Variants in ULK4 observed in about 807,000 individuals in gnomAD.
The protein encoded by ULK4 is unc-51 like kinase 4.
ULK4 carries 133 observed loss-of-function variants against 160.6 expected under a neutral mutation model. The observed-to-expected ratio is 0.83, with a 90% confidence interval of 0.72 to 0.96. The LOEUF (loss-of-function observed/expected upper bound fraction) is 0.96, where lower values mean the gene tolerates loss of function less well. Among genes scored for constraint, ULK4 ranks in the 40% least tolerant of loss-of-function variants. The pLI, the probability that ULK4 is intolerant of heterozygous loss-of-function variation, is 0.00. For missense variants in ULK4, 1,580 were observed against 1,499.5 expected (o/e 1.05, Z -0.89); for synonymous variants, 534 against 539.8 (o/e 0.99, Z 0.15).
chr3:41,850,446 T>C (rs1341674523), intron 17 of ULK4, among the ~76,000 whole-genome samples: 1 of 151,716 alleles, frequency 6.6e-6, no homozygotes, highest in Admixed American at 6.6e-5. Context: ...AAAGTGTTCC[T>C]ATTTCTCCAC....
chr3:41,372,562 A>G (rs1320086607), intron 35 of ULK4, among the ~76,000 whole-genome samples: 2 of 152,214 alleles, frequency 1.3e-5, no homozygotes, highest in African/African-American at 4.8e-5. Flanking sequence ...TAAAGGAGAA[A>G]TAAAATCCTT....
At chr3:41,264,952 C>G (rs1019216502) in intron 35 of ULK4, among the ~76,000 whole-genome samples, 2 of 152,220 alleles carry the variant, frequency 1.3e-5, no homozygotes, top group African/African-American at 4.8e-5. Context: ...GGAAGGGAGA[C>G]TTGTGACAGG....
intron 18 of ULK4, among the ~76,000 whole-genome samples, chr3:41,834,139 T>C (rs1237777668): frequency 6.6e-6 from 1 of 151,814 alleles, no homozygotes; most frequent in Non-Finnish European, 1.5e-5. Flanking sequence ...TCTCCCCATA[T>C]ACCTTTCTTC....
intron 30 of ULK4, among the ~76,000 whole-genome samples, chr3:41,651,814 C>A (rs2034754702): frequency 6.6e-6 from 1 of 151,988 alleles, no homozygotes. Flanking sequence ...GATTGTAGCC[C>A]CCAAAATACC....
intron 15 of ULK4, among the ~76,000 whole-genome samples, chr3:41,896,139 T>C (rs1462377569): frequency 1.3e-5 from 2 of 152,200 alleles, no homozygotes; most frequent in Non-Finnish European, 2.9e-5. Context: ...TCAGAAACCC[T>C]GCAGTTTACC....
chr3:41,630,940 T>C (rs185514448), intron 30 of ULK4, among the ~76,000 whole-genome samples: 6 of 152,338 alleles, frequency 3.9e-5, no homozygotes, highest in Non-Finnish European at 8.8e-5. Context: ...CAAAGCTTTT[T>C]TGTTTACATA....
intron 17 of ULK4, among the ~76,000 whole-genome samples, chr3:41,847,100 C>T (rs1246336017): frequency 2.0e-5 from 3 of 152,060 alleles, no homozygotes; most frequent in East Asian, 3.9e-4. Context: ...AAATCAAAAC[C>T]TATTTTATAA....
At chr3:41,952,968 A>G (rs1488889254) in intron 2 of ULK4, among the ~76,000 whole-genome samples, 5 of 152,280 alleles carry the variant, frequency 3.3e-5, no homozygotes, top group East Asian at 3.9e-4. Context: ...AAAATGCTGT[A>G]TGATACCATT....
intron 24 of ULK4, 59 bp from the exon 25 acceptor site, chr3:41,715,352 A>AT: frequency 1.2e-6 from 2 of 1,609,042 alleles, no homozygotes; most frequent in African/African-American, 1.3e-5. Context: ...CGTTAGCTCA[A>AT]TAAAAAAAAA....
intron 32 of ULK4, among the ~76,000 whole-genome samples, chr3:41,474,079 T>C (rs1328813648): frequency 2.0e-5 from 3 of 152,156 alleles, no homozygotes; most frequent in Non-Finnish European, 4.4e-5. Flanking sequence ...AGAACGAAGC[T>C]AGAGACGTCA....
intron 32 of ULK4, among the ~76,000 whole-genome samples, chr3:41,523,069 C>G (rs1162971844): frequency 6.6e-6 from 1 of 152,006 alleles, no homozygotes; most frequent in African/African-American, 2.4e-5. Context: ...CCACCACGCC[C>G]GACTAATTTT....
At chr3:41,501,044 A>T (rs1437089531) in intron 32 of ULK4, among the ~76,000 whole-genome samples, 3 of 152,236 alleles carry the variant, frequency 2.0e-5, no homozygotes, top group Non-Finnish European at 4.4e-5. Flanking sequence ...AATTAAGACC[A>T]TAATGAGATA....
At chr3:41,297,435 G>A (rs1016023762) in intron 35 of ULK4, among the ~76,000 whole-genome samples, 38 of 152,232 alleles carry the variant, frequency 2.5e-4, no homozygotes, top group African/African-American at 8.9e-4. Flanking sequence ...TGGCAAAACA[G>A]GGGCCGAACT....
intron 30 of ULK4, among the ~76,000 whole-genome samples, chr3:41,643,711 T>A (rs1243699468): frequency 6.6e-6 from 1 of 152,204 alleles, no homozygotes; most frequent in Non-Finnish European, 1.5e-5. Context: ...GAAAGCAGTT[T>A]TTTCCAGTTC....
Position 41,518,306 on chromosome 3 carries a change from T to A in ULK4, c.3226+47719A>T, listed in dbSNP as rs540710221. Among the ~76,000 whole-genome samples, 4 of 152,316 alleles carry A rather than the reference T, an allele frequency of 2.6e-5. No homozygotes were observed. The South Asian group carries it at 8.3e-4, about 32-fold the overall frequency. Reference sequence around the variant, plus strand: ...AAGTAGAAAGAGCTGATACCTTACATTTTATTTAAAATGTTAATGCTGGAT... The same window carrying A: ...AAGTAGAAAGAGCTGATACCTTACAATTTATTTAAAATGTTAATGCTGGAT... On this transcript the variant is annotated intron_variant, in intron 32 of 36. Transcript: ENST00000301831.
intron 32 of ULK4, among the ~76,000 whole-genome samples, chr3:41,549,952 T>C (rs1419035695): frequency 3.3e-5 from 5 of 152,094 alleles, no homozygotes; most frequent in Admixed American, 6.5e-5. Flanking sequence ...AAGAACACTA[T>C]GTCTAGCAAA....
chr3:41,440,422 T>C (rs1248610314), intron 34 of ULK4, among the ~76,000 whole-genome samples: 7 of 152,162 alleles, frequency 4.6e-5, no homozygotes, highest in Non-Finnish European at 1.0e-4. Context: ...AACAATGAAA[T>C]AGTTTTCCTT....
At chr3:41,710,683 A>G (rs538367887) in intron 25 of ULK4, among the ~76,000 whole-genome samples, 2 of 151,824 alleles carry the variant, frequency 1.3e-5, no homozygotes, top group East Asian at 3.9e-4. Context: ...AATCCCAGCT[A>G]CTTGGGAGGC....
intron 30 of ULK4, among the ~76,000 whole-genome samples, chr3:41,640,815 T>C (rs996197129): frequency 1.3e-5 from 2 of 152,184 alleles, no homozygotes; most frequent in African/African-American, 4.8e-5. Flanking sequence ...TTTAATTGAA[T>C]TGTTTCTTTT....
Sources: allele counts gnomAD v4.1 joint callset (sites outside exome capture counted in the v4.1 genomes callset), GRCh38; gene constraint gnomAD v4.1.1; transcripts MANE v1.5; gene names NCBI Gene and HGNC (gene_info 2026-07-23, HGNC 2026-07-21).